RAD51B: variants seen among roughly 807,000 people sequenced by gnomAD.
The protein encoded by RAD51B is RAD51 paralog B.
Under a neutral mutation model 42.2 loss-of-function variants are expected in RAD51B, and 38 were observed. That is an observed-to-expected ratio of 0.90 (90% CI 0.70 to 1.18). The LOEUF (loss-of-function observed/expected upper bound fraction) is 1.18. RAD51B is among the 50% of genes most tolerant of loss of function. The pLI is 0.00. For missense variants in RAD51B, 373 were observed against 400.7 expected (o/e 0.93, Z 0.59); for synonymous variants, 154 against 145.2 (o/e 1.06, Z -0.43).
chr14:68,032,841 C>T (rs1331796587), intron 7 of RAD51B, among the ~76,000 whole-genome samples: 1 of 152,158 alleles, frequency 6.6e-6, no homozygotes, highest in Non-Finnish European at 1.5e-5. Flanking sequence ...CTATCTTATA[C>T]CACTATTACC....
chr14:67,914,085 C>T (rs932261178), intron 7 of RAD51B, among the ~76,000 whole-genome samples: 13 of 151,850 alleles, frequency 8.6e-5, no homozygotes, highest in African/African-American at 2.9e-4. Context: ...CATTTTCAAG[C>T]GATTCTCTTG....
chr14:67,992,013 G>C (rs1480040792), intron 7 of RAD51B, among the ~76,000 whole-genome samples: 1 of 152,144 alleles, frequency 6.6e-6, no homozygotes, highest in Non-Finnish European at 1.5e-5. Flanking sequence ...GGGCAACTTT[G>C]TCATGTTTCT....
intron 10 of RAD51B, among the ~76,000 whole-genome samples, chr14:68,573,079 A>G (rs1167489651): frequency 1.3e-5 from 2 of 152,042 alleles, no homozygotes; most frequent in Non-Finnish European, 2.9e-5. Context: ...GTCACCTCAT[A>G]CTACTCTATC....
intron 8 of RAD51B, among the ~76,000 whole-genome samples, chr14:68,389,115 T>C (rs2140009034): frequency 6.6e-6 from 1 of 152,298 alleles, no homozygotes; most frequent in Non-Finnish European, 1.5e-5. Flanking sequence ...TTTTTTTAAG[T>C]AACTTTTTAA....
Position 68,588,017 on chromosome 14 carries a change from G to A in RAD51B, c.1037-6468G>A, listed in dbSNP as rs1344936588. Among the ~76,000 whole-genome samples the A allele has an allele frequency of 3.9e-5, 6 of 152,318 alleles. No individual in the cohort carries two copies. The East Asian group carries it at 7.7e-4, about 20-fold the overall frequency. ...GCTTGTTACAGAAGCAGAATCTCAG[G>A]CCCTACTGAATCAGAGAATGGGTTT... On this transcript the variant is annotated intron_variant, in intron 10 of 10. Transcript: ENST00000487270.
intron 8 of RAD51B, among the ~76,000 whole-genome samples, chr14:68,316,177 T>C (rs1035722183): frequency 6.6e-6 from 1 of 152,220 alleles, no homozygotes; most frequent in Non-Finnish European, 1.5e-5. Flanking sequence ...GATCTATGTC[T>C]CCAAGATACT....
At chr14:68,213,410 C>T (rs2079751655) in intron 7 of RAD51B, among the ~76,000 whole-genome samples, 2 of 152,162 alleles carry the variant, frequency 1.3e-5, no homozygotes, top group Non-Finnish European at 2.9e-5. Context: ...TTGTCTATCA[C>T]CAAAGCCCAT....
At chr14:68,304,076 A>G (rs904769922) in intron 8 of RAD51B, among the ~76,000 whole-genome samples, 5 of 152,104 alleles carry the variant, frequency 3.3e-5, no homozygotes, top group Admixed American at 1.3e-4. Flanking sequence ...AGGCTGAGGC[A>G]CAAGAATCAC....
chr14:67,973,279 G>T (rs1441377253), intron 7 of RAD51B, among the ~76,000 whole-genome samples: 2 of 151,968 alleles, frequency 1.3e-5, no homozygotes, highest in East Asian at 1.9e-4. Flanking sequence ...TAGGAAATTA[G>T]AACAAAATAA....
intron 7 of RAD51B, among the ~76,000 whole-genome samples, chr14:67,990,167 G>T (rs1376154632): frequency 3.3e-5 from 5 of 151,628 alleles, no homozygotes; most frequent in Admixed American, 2.0e-4. Context: ...CCAGCTAATT[G>T]TGGTATTTTT....
At position 68,595,072 on chromosome 14, in the gene RAD51B, C is replaced by A. The variant is rs73284054; in HGVS notation, c.*469C>A. 2.8e-3 allele frequency: 2,952 copies of A among 1,067,956 alleles called. 45 individuals are homozygous for A. In the African/African-American group the frequency reaches 0.044, roughly 16 times the overall value. 66.2% of individuals were successfully genotyped at this position (1,067,956 alleles called of 1,614,324 possible). A position where few individuals can be genotyped will look rare whatever the true frequency, so the allele number is the denominator to read the frequency against. ...GAGTATTTACTCAGTGCTCCTGAGC[C>A]GATGCCTTCCCCTCTGCCTAGATGA... On this transcript the variant is annotated 3_prime_UTR_variant, in exon 11 of 11. Coordinates refer to the RAD51B transcript ENST00000487270.
chr14:68,334,559 C>T (rs778493862), intron 8 of RAD51B, among the ~76,000 whole-genome samples: 2 of 152,090 alleles, frequency 1.3e-5, no homozygotes, highest in South Asian at 4.2e-4. Flanking sequence ...TTGAAAAAAT[C>T]CATATGTAAG....
At chr14:68,151,069 C>G (rs546027039) in intron 7 of RAD51B, among the ~76,000 whole-genome samples, 6 of 151,876 alleles carry the variant, frequency 4.0e-5, no homozygotes, top group Non-Finnish European at 8.8e-5. Context: ...GAAGAATTTT[C>G]TCTATCAGGT....
In RAD51B at chr14:68,132,979, T is replaced by C. The variant is rs548715169; in HGVS notation, c.757-158905T>C. Among the ~76,000 whole-genome samples, 7 of 152,318 alleles carry C rather than the reference T, an allele frequency of 4.6e-5. No individual in the cohort carries two copies. In the East Asian group the frequency reaches 1.4e-3, roughly 29 times the overall value. ...TTTGGTTCCAGTGCCTTCTCTGGAC[T>C]GATCTCGGGATGGAAAAAATTGGCT... On this transcript the variant is annotated intron_variant, in intron 7 of 10. Coordinates refer to ENST00000471583, the MANE Select transcript of RAD51B (RefSeq NM_133510.4).
chr14:67,973,139 C>G (rs548117557), intron 7 of RAD51B, among the ~76,000 whole-genome samples: 15 of 152,140 alleles, frequency 9.9e-5, no homozygotes, highest in Admixed American at 2.6e-4. Flanking sequence ...AAAGGTACAC[C>G]CTGGTAAAAA....
intron 11 of RAD51B, among the ~76,000 whole-genome samples, chr14:68,653,046 G>T (rs10483817): frequency 0.29 from 43,778 of 152,210 alleles, 7,106 homozygotes; most frequent in East Asian, 0.69. Flanking sequence ...TCACACGCAT[G>T]TTTTATTCTA....
chr14:68,539,423 C>T (rs1006846044), intron 10 of RAD51B, among the ~76,000 whole-genome samples: 9 of 152,320 alleles, frequency 5.9e-5, no homozygotes, highest in South Asian at 2.1e-4. Flanking sequence ...CCCCCTCCTC[C>T]GCCTGCCTCT....
chr14:67,941,145 A>ATGGTCC (rs1468886669), intron 7 of RAD51B, among the ~76,000 whole-genome samples: 1 of 152,188 alleles, frequency 6.6e-6, no homozygotes, highest in Non-Finnish European at 1.5e-5. Flanking sequence ...GACATTGTTC[A>ATGGTCC]TGGTCCTTCT....
chr14:67,943,017 G>C (rs577052376), intron 7 of RAD51B, among the ~76,000 whole-genome samples: 1 of 151,932 alleles, frequency 6.6e-6, no homozygotes, highest in African/African-American at 2.4e-5. Context: ...ACAGTCAACT[G>C]TCACTTAAAG....
Sources: allele counts gnomAD v4.1 joint callset (sites outside exome capture counted in the v4.1 genomes callset), GRCh38; gene constraint gnomAD v4.1.1; transcripts MANE v1.5; gene names NCBI Gene and HGNC (gene_info 2026-07-23, HGNC 2026-07-21).